The following GRID2 variants were observed in gnomAD, a reference collection of about 807,000 sequenced individuals.
The protein encoded by GRID2 is glutamate receptor ionotropic, delta-2.
GRID2 carries 33 observed loss-of-function variants against 114.8 expected under a neutral mutation model. That is an observed-to-expected ratio of 0.29 (90% CI 0.22 to 0.38). The LOEUF (loss-of-function observed/expected upper bound fraction) is 0.38. Among genes scored for constraint, GRID2 ranks in the 10% least tolerant of loss-of-function variants. The probability of loss-of-function intolerance (pLI) is 1.00; values close to 1 mark genes in which losing one functional copy is unlikely to be tolerated. For missense variants in GRID2, 1,184 were observed against 1,257.7 expected (o/e 0.94, Z 0.89); for synonymous variants, 505 against 449.9 (o/e 1.12, Z -1.55).
intron 14 of GRID2, among the ~76,000 whole-genome samples, chr4:93,652,402 A>T (rs1173894548): frequency 6.6e-6 from 1 of 152,308 alleles, no homozygotes; most frequent in African/African-American, 2.4e-5. Flanking sequence ...TGCATAAAAA[A>T]CAATGGTTCC....
chr4:92,915,496 T>C (rs1418242855), intron 2 of GRID2, among the ~76,000 whole-genome samples: 1 of 152,136 alleles, frequency 6.6e-6, no homozygotes, highest in Non-Finnish European at 1.5e-5. Context: ...ATTTTAAAAT[T>C]GTACTTTGGG....
At chr4:93,017,026 G>A (rs997686126) in intron 2 of GRID2, among the ~76,000 whole-genome samples, 4 of 152,174 alleles carry the variant, frequency 2.6e-5, no homozygotes, top group Non-Finnish European at 4.4e-5. Context: ...ATGTCTAGTT[G>A]AAGGGATAAA....
rs577810049 is a variant in GRID2, at chr4:93,095,101, T to C, written c.529+9822T>C. On this transcript the variant is annotated intron_variant, in intron 3 of 15. Coordinates refer to ENST00000282020, the MANE Select transcript of GRID2 (RefSeq NM_001510.4). ...TATTAATTTTTAGGAAATATTTTGA[T>C]AAAACACTAGCAAGACCATTTTTAA... Among the ~76,000 whole-genome samples, 26 of 152,174 alleles carry C rather than the reference T, an allele frequency of 1.7e-4. No individual in the cohort carries two copies. In the South Asian group the frequency reaches 4.1e-3, roughly 24 times the overall value.
At chr4:93,719,577 G>T (rs1390559587) in intron 14 of GRID2, among the ~76,000 whole-genome samples, 1 of 152,022 alleles carries the variant, frequency 6.6e-6, no homozygotes, top group Non-Finnish European at 1.5e-5. Context: ...TTCAAACAAT[G>T]AAAAATTACA....
chr4:92,370,984 G>A (rs1296193203), intron 1 of GRID2, among the ~76,000 whole-genome samples: 1 of 152,080 alleles, frequency 6.6e-6, no homozygotes, highest in Non-Finnish European at 1.5e-5. Context: ...CTGATATGAG[G>A]AAAGTTTTAG....
At chr4:92,943,342 C>G (rs889735498) in intron 2 of GRID2, among the ~76,000 whole-genome samples, 4 of 152,176 alleles carry the variant, frequency 2.6e-5, no homozygotes, top group African/African-American at 4.8e-5. Flanking sequence ...TCTTCCATCA[C>G]TGATACCCTT....
chr4:93,419,329 G>A (rs1365039509), intron 9 of GRID2, among the ~76,000 whole-genome samples: 3 of 151,910 alleles, frequency 2.0e-5, no homozygotes, highest in Non-Finnish European at 4.4e-5. Flanking sequence ...ATAAATCAAT[G>A]ACTGAATAAA....
chr4:93,603,145 G>A (rs764592055), intron 13 of GRID2, among the ~76,000 whole-genome samples: 1 of 152,136 alleles, frequency 6.6e-6, no homozygotes, highest in East Asian at 1.9e-4. Context: ...AGGAGGCAGA[G>A]GTTGCAGTTA....
intron 4 of GRID2, among the ~76,000 whole-genome samples, chr4:93,143,135 G>A (rs941506902): frequency 3.9e-5 from 6 of 152,142 alleles, no homozygotes; most frequent in African/African-American, 1.4e-4. Context: ...GTTTATCTAA[G>A]AAAATATTAG....
intron 3 of GRID2, among the ~76,000 whole-genome samples, chr4:93,089,977 C>A (rs1730638067): frequency 6.6e-6 from 1 of 152,072 alleles, no homozygotes; most frequent in Admixed American, 6.6e-5. Flanking sequence ...CTTGGGGAAT[C>A]CATGTGTCTT....
chr4:92,709,109 A>T (rs1360069786), intron 2 of GRID2, among the ~76,000 whole-genome samples: 1 of 152,112 alleles, frequency 6.6e-6, no homozygotes, highest in African/African-American at 2.4e-5. Context: ...GTCCACTTTT[A>T]CGTTTCTTAT....
At chr4:93,799,255 T>C (rs921609386) in intron 1 of GRID2, among the ~76,000 whole-genome samples, 19 of 152,270 alleles carry the variant, frequency 1.2e-4, no homozygotes, top group African/African-American at 4.1e-4. Context: ...TGACTCTAAA[T>C]TGATTCTTTC....
chr4:92,307,328 T>C (rs1334564501), intron 1 of GRID2, among the ~76,000 whole-genome samples: 1 of 152,050 alleles, frequency 6.6e-6, no homozygotes, highest in African/African-American at 2.4e-5. Flanking sequence ...ATTTCACCTC[T>C]AGCGATGGAA....
intron 8 of GRID2, among the ~76,000 whole-genome samples, chr4:93,241,624 C>A (rs1747523804): frequency 6.6e-6 from 1 of 151,640 alleles, no homozygotes; most frequent in African/African-American, 2.4e-5. Flanking sequence ...CTAAAGCTGT[C>A]CTTTCTGTTG....
chr4:92,652,934 A>ATTTATAAATACATATAAATATATG (rs1732033298), intron 2 of GRID2, among the ~76,000 whole-genome samples: 1 of 139,130 alleles, frequency 7.2e-6, no homozygotes, highest in Non-Finnish European at 1.6e-5. Flanking sequence ...ATAAATATAT[A>ATTTATAAATACATATAAATATATG]TAAACATATA....
chr4:93,108,179 A>C (rs1163981368), intron 3 of GRID2, among the ~76,000 whole-genome samples: 1 of 152,172 alleles, frequency 6.6e-6, no homozygotes, highest in Non-Finnish European at 1.5e-5. Context: ...CCTTCCTCTA[A>C]GTAAAATATA....
At chr4:93,196,184 T>C (rs1355195198) in intron 4 of GRID2, among the ~76,000 whole-genome samples, 1 of 152,120 alleles carries the variant, frequency 6.6e-6, no homozygotes, top group African/African-American at 2.4e-5. Context: ...TTTGAAAACA[T>C]TTTTTACAGT....
rs1761276945 is a variant in GRID2, at chr4:93,355,780, G to A, written c.1246-39827G>A. 2.0e-5 allele frequency among the ~76,000 whole-genome samples: 3 copies of A among 151,998 alleles called. 1 individual carries two copies. The South Asian group carries it at 6.2e-4, about 32-fold the overall frequency. On this transcript the variant is annotated intron_variant, in intron 8 of 15. Coordinates refer to ENST00000282020, the MANE Select transcript of GRID2 (RefSeq NM_001510.4). ...CCTCGCATCAGCAAAAAATATATTTGCCCTGAAAGTGACACATTTTACTTC... is the reference window on the plus strand; with the variant it reads ...CCTCGCATCAGCAAAAAATATATTTACCCTGAAAGTGACACATTTTACTTC...
intron 2 of GRID2, among the ~76,000 whole-genome samples, chr4:92,646,692 G>A (rs1731647617): frequency 6.6e-6 from 1 of 152,200 alleles, no homozygotes; most frequent in African/African-American, 2.4e-5. Context: ...ACAGGTTATT[G>A]AGGCAAAAAC....
Sources: allele counts gnomAD v4.1 joint callset (sites outside exome capture counted in the v4.1 genomes callset), GRCh38; gene constraint gnomAD v4.1.1; transcripts MANE v1.5; gene names NCBI Gene and HGNC (gene_info 2026-07-23, HGNC 2026-07-21).